The following ESR1 variants were observed in gnomAD, a reference collection of about 807,000 sequenced individuals.
ESR1 encodes the protein estrogen receptor.
A neutral mutation model predicts 52.7 loss-of-function variants in ESR1; 12 were observed. That is an observed-to-expected ratio of 0.23 (90% CI 0.15 to 0.37). The LOEUF (loss-of-function observed/expected upper bound fraction) is 0.37. ESR1 is among the 10% of genes least tolerant of loss of function. The probability of loss-of-function intolerance (pLI) is 1.00; values close to 1 mark genes in which losing one functional copy is unlikely to be tolerated. For missense variants in ESR1, 584 were observed against 779.7 expected, an observed-to-expected ratio of 0.75 and a Z score of 2.99; for synonymous variants, 305 against 316.8, an observed-to-expected ratio of 0.96 and a Z score of 0.39.
intron 6 of ESR1, among the ~76,000 whole-genome samples, chr6:152,091,949 C>T (rs576677672): frequency 2.0e-5 from 3 of 152,232 alleles, no homozygotes; most frequent in South Asian, 2.1e-4. Context: ...GTGGCTTGGG[C>T]GGGTTCCTAG....
upstream of ESR1, among the ~76,000 whole-genome samples, chr6:151,686,086 T>TTTTTTTA (rs1778659435): frequency 6.9e-6 from 1 of 145,588 alleles, no homozygotes; most frequent in African/African-American, 2.5e-5. Flanking sequence ...TTTTTTTTTT[T>TTTTTTTA]TTATTTAGAG....
chr6:151,815,649 C>G (rs1447947951), intron 1 of ESR1, among the ~76,000 whole-genome samples: 1 of 152,212 alleles, frequency 6.6e-6, no homozygotes, highest in Non-Finnish European at 1.5e-5. Flanking sequence ...ATTCCAAGTA[C>G]AGTCGGCCCT....
chr6:152,051,173 C>T (rs767845607), intron 5 of ESR1, among the ~76,000 whole-genome samples: 1 of 152,160 alleles, frequency 6.6e-6, no homozygotes, highest in Non-Finnish European at 1.5e-5. Flanking sequence ...TTATCATAAA[C>T]AGTTTTCTGA....
intron 4 of ESR1, among the ~76,000 whole-genome samples, chr6:151,979,515 T>C (rs1220915271): frequency 6.6e-6 from 1 of 152,130 alleles, no homozygotes; most frequent in Admixed American, 6.5e-5. Context: ...TGCCCTTATT[T>C]TAATGCCATA....
chr6:151,923,456 A>T (rs1382265740), intron 3 of ESR1, among the ~76,000 whole-genome samples: 1 of 152,176 alleles, frequency 6.6e-6, no homozygotes, highest in African/African-American at 2.4e-5. Flanking sequence ...TCTCTACTCT[A>T]TAAAATATCC....
At chr6:151,745,816 A>G (rs1381002690) in intron 2 of ESR1, among the ~76,000 whole-genome samples, 2 of 152,198 alleles carry the variant, frequency 1.3e-5, no homozygotes, top group Non-Finnish European at 2.9e-5. Context: ...AGTGTTAAGT[A>G]TATTCAACAG....
intron 2 of ESR1, among the ~76,000 whole-genome samples, chr6:151,721,391 TAAC>T (rs1325495705): frequency 3.9e-5 from 6 of 152,062 alleles, no homozygotes; most frequent in African/African-American, 1.2e-4. Context: ...AAGACAGAAA[TAAC>T]AAAAATCAGA....
At chr6:151,871,863 T>C (rs748319379) in intron 2 of ESR1, among the ~76,000 whole-genome samples, 12 of 152,374 alleles carry the variant, frequency 7.9e-5, no homozygotes, top group Non-Finnish European at 1.3e-4. Context: ...TTATTTCACT[T>C]AGCATAATGT....
chr6:152,127,464 T>C (rs974847836), exon 7 of ESR1: 4 of 152,226 alleles, frequency 2.6e-5, no homozygotes, highest in African/African-American at 4.8e-5. Flanking sequence ...ATCTGTATAA[T>C]GATACCAAGG....
At chr6:151,828,770 T>A (rs180985905) in intron 1 of ESR1, among the ~76,000 whole-genome samples, 1 of 152,330 alleles carries the variant, frequency 6.6e-6, no homozygotes, top group Admixed American at 6.5e-5. Flanking sequence ...ATGACATCCA[T>A]ATAACTGCAA....
intron 2 of ESR1, among the ~76,000 whole-genome samples, chr6:151,753,852 T>A (rs1428186909): frequency 6.6e-6 from 1 of 152,214 alleles, no homozygotes; most frequent in East Asian, 1.9e-4. Flanking sequence ...CTTACCTATA[T>A]TTGTACTTGC....
intron 2 of ESR1, among the ~76,000 whole-genome samples, chr6:151,761,792 T>C (rs773993364): frequency 3.1e-4 from 47 of 152,206 alleles, no homozygotes; most frequent in Non-Finnish European, 6.2e-4. Context: ...GCTCCATCAG[T>C]GGTTCTCAAA....
chr6:151,819,074 A>G (rs9371557), intron 1 of ESR1, among the ~76,000 whole-genome samples: 5,382 of 152,180 alleles, frequency 0.035, 341 homozygotes, highest in East Asian at 0.27. Flanking sequence ...AGTGATCTTC[A>G]TCTGTACCAT....
chr6:152,009,587 G>A (rs559033555), intron 4 of ESR1, among the ~76,000 whole-genome samples: 9 of 152,010 alleles, frequency 5.9e-5, no homozygotes, highest in African/African-American at 9.7e-5. Context: ...AGCAAGCACT[G>A]GTGAGGTTGT....
At chr6:151,895,218 A>G (rs1472725937) in intron 3 of ESR1, among the ~76,000 whole-genome samples, 3 of 151,258 alleles carry the variant, frequency 2.0e-5, no homozygotes, top group Non-Finnish European at 4.4e-5. Context: ...GGTGTATAGC[A>G]GAGCTACTGA....
chr6:151,676,639 G>A lies in ESR1; in HGVS notation n.73+19876G>A, dbSNP rs535218866. 2.0e-5 allele frequency among the ~76,000 whole-genome samples: 3 copies of A among 152,208 alleles called. No individual in the cohort carries two copies. In the South Asian group the frequency reaches 6.2e-4, roughly 32 times the overall value. On this transcript the variant is annotated intron_variant and non_coding_transcript_variant, in intron 1 of 2. Coordinates refer to the ESR1 transcript ENST00000473497. ...GTGCTAATTAGCAGACCCAACACAT[G>A]GGCAGCCTTCCTTCCCCAGACTTGG...
intron 3 of ESR1, among the ~76,000 whole-genome samples, chr6:151,899,916 G>C (rs1178115056): frequency 6.6e-6 from 1 of 151,432 alleles, no homozygotes; most frequent in African/African-American, 2.4e-5. Flanking sequence ...TTCCAGACTG[G>C]GCAGCCAGGC....
At chr6:151,840,946 A>G (rs915107336) in intron 1 of ESR1, among the ~76,000 whole-genome samples, 2 of 152,052 alleles carry the variant, frequency 1.3e-5, no homozygotes, top group African/African-American at 4.8e-5. Flanking sequence ...ATTTGATTGC[A>G]CATGCCTGCC....
rs35759553 is a variant in ESR1 at position 151,843,142 on chromosome 6, A to G, written c.643+355A>G. Among the ~76,000 whole-genome samples the G allele has an allele frequency of 2.6e-3, 393 of 152,342 alleles. 4 individuals are homozygous for G. The highest frequency in any genetic ancestry group is 8.9e-3 in the African/African-American group (371 of 41,584). ...GATGGACATTCATGTTTGGTAGGCA[A>G]CTTTGCCTATATGATCTGGTATATG... On this transcript the variant is annotated intron_variant, in intron 2 of 7. Transcript: ENST00000206249.
Sources: allele counts gnomAD v4.1 joint callset (sites outside exome capture counted in the v4.1 genomes callset), GRCh38; gene constraint gnomAD v4.1.1; transcripts MANE v1.5; gene names NCBI Gene and HGNC (gene_info 2026-07-23, HGNC 2026-07-21).